The following PCSK5 variants were observed in gnomAD, a reference collection of about 807,000 sequenced individuals.
PCSK5 encodes the protein proprotein convertase subtilisin/kexin type 5.
Under a neutral mutation model 233.2 loss-of-function variants are expected in PCSK5, and 129 were observed. The ratio of observed to expected loss-of-function variants is 0.55; its 90% CI spans 0.48 to 0.64. The LOEUF (loss-of-function observed/expected upper bound fraction) is 0.64, where lower values mean the gene tolerates loss of function less well. PCSK5 is among the 30% of genes least tolerant of loss of function. The pLI, the probability that PCSK5 is intolerant of heterozygous loss-of-function variation, is 0.00. For synonymous variants in PCSK5, 825 were observed against 879.2 expected (o/e 0.94, Z 1.09); for missense variants, 2,076 against 2,430.1 (o/e 0.85, Z 3.06).
intron 7 of PCSK5, 135 bp from the exon 8 acceptor site, chr9:76,095,755 A>G: frequency 2.8e-6 from 2 of 712,242 alleles, no homozygotes. Context: ...CTCCACTCCC[A>G]GAAGCTGCTT....
At chr9:76,230,826 G>A (rs904241187) in intron 21 of PCSK5, among the ~76,000 whole-genome samples, 1 of 151,980 alleles carries the variant, frequency 6.6e-6, no homozygotes, top group African/African-American at 2.4e-5. Context: ...CCCCAGATGA[G>A]ACCATCTAGT....
intron 9 of PCSK5, among the ~76,000 whole-genome samples, chr9:76,123,984 T>C (rs1832745144): frequency 6.6e-6 from 1 of 152,162 alleles, no homozygotes; most frequent in Admixed American, 6.5e-5. Context: ...AAAACGTATA[T>C]ATTTTAGGAC....
chr9:76,058,187 A>G (rs958570010), intron 5 of PCSK5, among the ~76,000 whole-genome samples: 4 of 152,178 alleles, frequency 2.6e-5, no homozygotes, highest in Admixed American at 6.5e-5. Flanking sequence ...TTGGTGGGAC[A>G]CCAAGAGAAT....
At chr9:76,015,171 T>A (rs1827897107) in intron 3 of PCSK5, among the ~76,000 whole-genome samples, 1 of 152,178 alleles carries the variant, frequency 6.6e-6, no homozygotes, top group African/African-American at 2.4e-5. Context: ...GGAGCAACAG[T>A]GCCCAAGGGC....
rs1359703981 is a variant in PCSK5 at position 76,345,612 on chromosome 9, C to T, written c.4967-5216C>T. On this transcript the variant is annotated intron_variant, in intron 35 of 37. Coordinates refer to ENST00000674117, the MANE Select transcript of PCSK5 (RefSeq NM_001372043.1). ...TTTTTTTAAATATTTTTAGTAGAGA[C>T]GGGGTTTCACCATGTTAGACAGGAT... 5.9e-5 allele frequency among the ~76,000 whole-genome samples: 9 copies of T among 151,372 alleles called. No individual in the cohort carries two copies. The South Asian group carries it at 6.3e-4, about 11-fold the overall frequency.
At chr9:76,064,354 G>T (rs1453244831) in intron 5 of PCSK5, among the ~76,000 whole-genome samples, 2 of 114,348 alleles carry the variant, frequency 1.7e-5, no homozygotes, top group African/African-American at 7.6e-5. Flanking sequence ...CTGGCCGGGC[G>T]GGGGGCTGAC....
chr9:76,265,671 G>A (rs944322951), intron 24 of PCSK5, among the ~76,000 whole-genome samples: 8 of 152,060 alleles, frequency 5.3e-5, no homozygotes, highest in Non-Finnish European at 8.8e-5. Context: ...TTACATGACA[G>A]AACATACTTA....
At chr9:76,157,452 A>G (rs1311495339) in intron 11 of PCSK5, among the ~76,000 whole-genome samples, 1 of 149,344 alleles carries the variant, frequency 6.7e-6, no homozygotes, top group East Asian at 1.9e-4. Context: ...TTGATGGTGC[A>G]AGTATTCTCC....
intron 1 of PCSK5, among the ~76,000 whole-genome samples, chr9:75,912,633 A>G (rs1006279): frequency 0.59 from 89,629 of 151,978 alleles, 28,620 homozygotes; most frequent in African/African-American, 0.82. Context: ...AGTCAGTACT[A>G]AGTGAGGAGA....
intron 16 of PCSK5, among the ~76,000 whole-genome samples, chr9:76,183,291 A>G (rs1258679787): frequency 6.6e-6 from 1 of 152,174 alleles, no homozygotes; most frequent in Non-Finnish European, 1.5e-5. Flanking sequence ...GGAAGTGTTG[A>G]TCCAAGTGGT....
intron 35 of PCSK5, 43 bp downstream of exon 35, chr9:76,338,490 G>T: frequency 7.1e-7 from 1 of 1,413,166 alleles, no homozygotes; most frequent in South Asian, 1.2e-5. Flanking sequence ...GTAGAAAAAT[G>T]AAAAGGTTTT....
At chr9:76,340,368 A>G (rs995680358) in intron 35 of PCSK5, among the ~76,000 whole-genome samples, 2 of 152,130 alleles carry the variant, frequency 1.3e-5, no homozygotes, top group East Asian at 3.9e-4. Flanking sequence ...TCAAATAGCC[A>G]GGCGCGGTGG....
At chr9:76,011,535 A>G (rs1043104986) in intron 3 of PCSK5, among the ~76,000 whole-genome samples, 3 of 152,210 alleles carry the variant, frequency 2.0e-5, no homozygotes, top group African/African-American at 7.2e-5. Context: ...TGATTGTCAG[A>G]AGTGAGATGG....
chr9:76,054,537 T>C (rs1829752451), intron 5 of PCSK5, among the ~76,000 whole-genome samples: 2 of 152,218 alleles, frequency 1.3e-5, no homozygotes, highest in South Asian at 2.1e-4. Flanking sequence ...AAGCAGTAGA[T>C]TGACCACTTG....
intron 32 of PCSK5, among the ~76,000 whole-genome samples, chr9:76,327,784 C>A (rs1254413731): frequency 6.6e-6 from 1 of 152,114 alleles, no homozygotes; most frequent in African/African-American, 2.4e-5. Flanking sequence ...CTGGATACAA[C>A]AGAGAAAATA....
intron 1 of PCSK5, 34 bp from the exon 2 acceptor site, chr9:75,932,345 T>C (rs774825228): frequency 1.5e-6 from 2 of 1,312,892 alleles, no homozygotes; most frequent in African/African-American, 2.9e-5. Flanking sequence ...TAATGTCTTT[T>C]TTTTGTTCTT....
intron 24 of PCSK5, among the ~76,000 whole-genome samples, chr9:76,261,621 A>T (rs1374736653): frequency 6.6e-6 from 1 of 152,212 alleles, no homozygotes; most frequent in African/African-American, 2.4e-5. Flanking sequence ...AAGAAATCAG[A>T]TTCTTCCTAC....
intron 2 of PCSK5, among the ~76,000 whole-genome samples, chr9:75,970,776 C>T (rs1488939929): frequency 6.6e-6 from 1 of 152,032 alleles, no homozygotes; most frequent in Non-Finnish European, 1.5e-5. Context: ...CGCACACTGC[C>T]ACGCCTGGTT....
At chr9:76,009,453 C>G (rs1002467722) in intron 3 of PCSK5, among the ~76,000 whole-genome samples, 1 of 151,660 alleles carries the variant, frequency 6.6e-6, no homozygotes, top group Non-Finnish European at 1.5e-5. Flanking sequence ...ATGGTGAAAC[C>G]CTGGCTCTAC....
Sources: gnomAD v4.1 joint callset for allele counts (sites outside exome capture counted in the v4.1 genomes callset) on GRCh38, gnomAD v4.1.1 for gene constraint, MANE v1.5 for transcripts, NCBI Gene and HGNC (gene_info 2026-07-23, HGNC 2026-07-21) for gene names.